PTPRO: variants seen among roughly 807,000 people sequenced by gnomAD.
The protein encoded by PTPRO is receptor-type tyrosine-protein phosphatase O.
In PTPRO, 62 loss-of-function variants were observed where a neutral mutation model predicts 145.2. The observed-to-expected ratio is 0.43, with a 90% CI of 0.35 to 0.53. PTPRO has a LOEUF of 0.53. PTPRO is among the 20% of genes least tolerant of loss of function. The pLI is 0.01. For missense variants in PTPRO, 1,345 were observed against 1,482.7 expected (o/e 0.91, Z 1.53); for synonymous variants, 565 against 514.7 (o/e 1.10, Z -1.32).
In PTPRO at chr12:15,520,242, G is replaced by A; in HGVS notation, c.1821G>A (p.Arg607=). Residue 607 remains arginine (R), a synonymous_variant, in exon 10 of 27, where the codon CGG becomes CGA. Transcript: ENST00000281171. ...NLLPAWYYNF[R]VTMVTWGDPE... ...TGCCAGCATGGTACTACAACTTCCGGGTTACCATGGTGACGTGGGGAGATC... is the reference window on the plus strand; with the variant it reads ...TGCCAGCATGGTACTACAACTTCCGAGTTACCATGGTGACGTGGGGAGATC... The A allele has an allele frequency of 6.2e-7, 1 of 1,613,820 alleles. No homozygotes were observed. Among genetic ancestry groups the A allele is most frequent in the Non-Finnish European group, 8.5e-7 (1 of 1,179,884 alleles).
chr12:15,322,886 G>C lies in PTPRO; in HGVS notation c.75+85G>C. On this transcript the variant is annotated intron_variant, in intron 1 of 26. Transcript: ENST00000281171. This position sits in a 1 kb window ranked among gnomAD's most constrained non-coding sequence, Gnocchi z 6.3. ...CCCTCGCTCTGCCGTTGGGAGCGGC[G>C]CGCCCCAGGGCACGATGGCCCAGCC... The C allele has an allele frequency of 7.2e-7, 1 of 1,391,230 alleles. No homozygotes were observed. The highest frequency in any genetic ancestry group is 9.9e-7 in the Non-Finnish European group (1 of 1,008,474). 86.2% of individuals were successfully genotyped at this position (1,391,230 alleles called of 1,614,324 possible). A position where few individuals can be genotyped will look rare whatever the true frequency, so the allele number is the denominator to read the frequency against.
intron 1 of PTPRO, among the ~76,000 whole-genome samples, chr12:15,343,553 T>G (rs941609651): frequency 1.3e-5 from 2 of 152,080 alleles, no homozygotes; most frequent in African/African-American, 4.8e-5. Context: ...CTGGGCATGG[T>G]GGCTCGCACC....
chr12:15,530,604 GAAC>G (rs1204925950), intron 12 of PTPRO, among the ~76,000 whole-genome samples: 4 of 152,050 alleles, frequency 2.6e-5, no homozygotes, highest in Admixed American at 6.6e-5. Flanking sequence ...CATGGAAATT[GAAC>G]AACATGTTCC....
intron 1 of PTPRO, among the ~76,000 whole-genome samples, chr12:15,464,957 A>G (rs1430195380): frequency 6.6e-6 from 1 of 152,224 alleles, no homozygotes; most frequent in Admixed American, 6.5e-5. Context: ...CTAAATTTCT[A>G]TTTTTCACTT....
At chr12:15,482,181 G>A (rs1840950) in intron 1 of PTPRO, among the ~76,000 whole-genome samples, 131,610 of 148,118 alleles carry the variant, frequency 0.89, 58,659 homozygotes, top group South Asian at 0.97. Context: ...ATATATATAT[G>A]TGTGTGTGTG....
chr12:15,443,424 T>C (rs186068918), intron 1 of PTPRO, among the ~76,000 whole-genome samples: 40 of 152,184 alleles, frequency 2.6e-4, no homozygotes, highest in Non-Finnish European at 5.0e-4. Flanking sequence ...AACACCAATC[T>C]GGACATCGGC....
At chr12:15,486,388 A>T (rs1941885585) in intron 2 of PTPRO, among the ~76,000 whole-genome samples, 1 of 152,252 alleles carries the variant, frequency 6.6e-6, no homozygotes, top group Admixed American at 6.5e-5. Flanking sequence ...TGTGTGGCAT[A>T]CCTAATCCAC....
chr12:15,424,229 T>C (rs764442130), intron 1 of PTPRO, among the ~76,000 whole-genome samples: 2 of 152,206 alleles, frequency 1.3e-5, no homozygotes, highest in Non-Finnish European at 2.9e-5. Context: ...TTTATGGACA[T>C]AAAATTCACA....
At chr12:15,466,573 A>G (rs1206647316) in intron 1 of PTPRO, among the ~76,000 whole-genome samples, 1 of 152,214 alleles carries the variant, frequency 6.6e-6, no homozygotes, top group Non-Finnish European at 1.5e-5. Flanking sequence ...CCACCTTTTT[A>G]GACCATCAAA....
At chr12:15,457,418 C>A (rs1362563983) in intron 1 of PTPRO, among the ~76,000 whole-genome samples, 1 of 152,140 alleles carries the variant, frequency 6.6e-6, no homozygotes, top group Non-Finnish European at 1.5e-5. Context: ...ATAACTGGAA[C>A]TTGAGGTTTT....
At chr12:15,510,898 G>T (rs1187495716) in intron 7 of PTPRO, among the ~76,000 whole-genome samples, 1 of 150,508 alleles carries the variant, frequency 6.6e-6, no homozygotes, top group Non-Finnish European at 1.5e-5. Flanking sequence ...CAGGTGCAGT[G>T]GCTCATGCCT....
intron 1 of PTPRO, 87 bp from the exon 2 acceptor site, chr12:15,483,887 C>G: frequency 1.4e-6 from 2 of 1,402,536 alleles, no homozygotes; most frequent in Admixed American, 3.4e-5. Context: ...TGATACACAA[C>G]AATATGTAAA....
In PTPRO at chr12:15,539,685, C is replaced by T. The variant is rs959322959; in HGVS notation, c.2165-6884C>T. On this transcript the variant is annotated intron_variant, in intron 12 of 26. Coordinates refer to ENST00000281171, the MANE Select transcript of PTPRO (RefSeq NM_030667.3). The stretch of plus-strand genomic sequence containing the variant: ...GCTGAGGCAGGAGAATTTTTTGAAC[C>T]CGGGAGGCGGAGGTCGCTGTGAGCT... 1.2e-4 allele frequency among the ~76,000 whole-genome samples: 15 copies of T among 128,642 alleles called. 1 individual carries two copies. The highest frequency in any genetic ancestry group is 4.7e-5 in the Non-Finnish European group (3 of 64,080). The allele number at this position is 128,642 out of a possible 152,430, so 84.4% of individuals were successfully genotyped here.
At chr12:15,505,597 G>T (rs1942305217) in intron 6 of PTPRO, among the ~76,000 whole-genome samples, 1 of 152,132 alleles carries the variant, frequency 6.6e-6, no homozygotes, top group Non-Finnish European at 1.5e-5. Context: ...TTTTTAAGGA[G>T]ATTCTGTTCT....
intron 2 of PTPRO, among the ~76,000 whole-genome samples, chr12:15,492,931 A>T (rs566544889): frequency 6.6e-6 from 1 of 152,300 alleles, no homozygotes; most frequent in Non-Finnish European, 1.5e-5. Flanking sequence ...CAAGACTTGA[A>T]AAATGACATG....
intron 20 of PTPRO, 68 bp downstream of exon 20, chr12:15,579,011 TC>T: frequency 1.5e-6 from 2 of 1,372,730 alleles, no homozygotes; most frequent in Non-Finnish European, 2.1e-6. Context: ...TGCAGATTAA[TC>T]AATTTCACCA....
At chr12:15,413,348 T>C (rs1440361496) in intron 1 of PTPRO, among the ~76,000 whole-genome samples, 1 of 152,182 alleles carries the variant, frequency 6.6e-6, no homozygotes, top group Non-Finnish European at 1.5e-5. Context: ...CCCACCCACC[T>C]GGGTTTCTCA....
chr12:15,354,616 A>T (rs1937924993), intron 1 of PTPRO, among the ~76,000 whole-genome samples: 1 of 152,160 alleles, frequency 6.6e-6, no homozygotes, highest in South Asian at 2.1e-4. Flanking sequence ...CTAAGCATTT[A>T]TTTGACTGCT....
chr12:15,322,714 C>A lies in PTPRO; in HGVS notation c.-13C>A. 6.2e-7 allele frequency: 1 copy of A among 1,608,932 alleles called. No individual in the cohort carries two copies. Among genetic ancestry groups the A allele is most frequent in the Non-Finnish European group, 8.5e-7 (1 of 1,177,810 alleles). On this transcript the variant is annotated 5_prime_UTR_variant, in exon 1 of 27. Coordinates refer to ENST00000281171, the MANE Select transcript of PTPRO (RefSeq NM_030667.3). This position sits in a 1 kb window ranked among gnomAD's most constrained non-coding sequence, Gnocchi z 6.3. Reference sequence around the variant, plus strand: ...TAGCGCAGCCGTGCCCCCGAGTCCCCGTCCGCGCAGCGATGGGGCACCTGC... The same window carrying A: ...TAGCGCAGCCGTGCCCCCGAGTCCCAGTCCGCGCAGCGATGGGGCACCTGC...
Sources: allele counts gnomAD v4.1 joint callset (sites outside exome capture counted in the v4.1 genomes callset), GRCh38; gene constraint gnomAD v4.1.1; non-coding constraint Gnocchi (gnomAD v3.1); transcripts MANE v1.5; gene names NCBI Gene and HGNC (gene_info 2026-07-23, HGNC 2026-07-21).